Variants in ASTN2 observed in about 807,000 individuals in gnomAD.
The protein encoded by ASTN2 is astrotactin-2.
In ASTN2, 54 loss-of-function variants were observed where a neutral mutation model predicts 139.8. That is an observed-to-expected ratio of 0.39 (90% CI 0.31 to 0.48). ASTN2 has a LOEUF of 0.48. Ranked by LOEUF, ASTN2 falls within the 20% of genes least tolerant of loss-of-function variation. The pLI, the probability that ASTN2 is intolerant of heterozygous loss-of-function variation, is 0.95. For synonymous variants in ASTN2, 756 were observed against 719.5 expected (o/e 1.05, Z -0.81); for missense variants, 1,565 against 1,725.1 (o/e 0.91, Z 1.64).
At chr9:117,058,605 C>T (rs972530835) in intron 5 of ASTN2, among the ~76,000 whole-genome samples, 2 of 152,194 alleles carry the variant, frequency 1.3e-5, no homozygotes, top group African/African-American at 2.4e-5. Context: ...GAAACTGTAT[C>T]TATACTGCCT....
intron 5 of ASTN2, among the ~76,000 whole-genome samples, chr9:117,078,033 C>T (rs780490174): frequency 5.9e-5 from 9 of 152,178 alleles, no homozygotes; most frequent in Non-Finnish European, 1.3e-4. Flanking sequence ...TTAGCACAGC[C>T]CTGCCTTCTT....
At chr9:116,575,494 A>C (rs920498962) in intron 19 of ASTN2, among the ~76,000 whole-genome samples, 3 of 152,146 alleles carry the variant, frequency 2.0e-5, no homozygotes, top group Non-Finnish European at 4.4e-5. Context: ...ATTGAGTCTT[A>C]ATTTATAGAT....
intron 17 of ASTN2, among the ~76,000 whole-genome samples, chr9:116,632,847 T>C (rs1221230685): frequency 6.6e-6 from 1 of 152,232 alleles, no homozygotes; most frequent in South Asian, 2.1e-4. Context: ...TTTTATGGAA[T>C]TGTTATCTAT....
intron 2 of ASTN2, among the ~76,000 whole-genome samples, chr9:117,259,626 G>T (rs1833774656): frequency 2.0e-5 from 3 of 152,042 alleles, no homozygotes; most frequent in Admixed American, 2.0e-4. Flanking sequence ...TCAACCAATT[G>T]CCAATCAGAA....
intron 19 of ASTN2, among the ~76,000 whole-genome samples, chr9:116,580,110 G>A (rs540787047): frequency 2.0e-5 from 3 of 152,286 alleles, no homozygotes; most frequent in South Asian, 2.1e-4. Context: ...GTGAGCCCCC[G>A]CACCCGGCCA....
At chr9:116,484,453 C>T (rs1314380348) in intron 20 of ASTN2, among the ~76,000 whole-genome samples, 6 of 152,188 alleles carry the variant, frequency 3.9e-5, no homozygotes, top group African/African-American at 1.4e-4. Context: ...TACTGCCGCA[C>T]ACAGTCTTCT....
At chr9:116,905,576 C>T (rs910367660) in intron 10 of ASTN2, among the ~76,000 whole-genome samples, 4 of 152,118 alleles carry the variant, frequency 2.6e-5, no homozygotes, top group African/African-American at 7.2e-5. Context: ...CAGATGGGCC[C>T]GCCCCTCACA....
chr9:116,805,548 C>G, intron 13 of ASTN2, 84 bp downstream of exon 13: 1 of 1,280,392 alleles, frequency 7.8e-7, no homozygotes, highest in Non-Finnish European at 1.1e-6. Context: ...AGGTCTCTAC[C>G]CCATTGTGCC....
chr9:117,407,025 G>A (rs971307319), intron 1 of ASTN2, among the ~76,000 whole-genome samples: 1 of 152,146 alleles, frequency 6.6e-6, no homozygotes, highest in Non-Finnish European at 1.5e-5. Flanking sequence ...GCCTGGCTAT[G>A]ATTATAGCAG....
intron 16 of ASTN2, among the ~76,000 whole-genome samples, chr9:116,717,598 C>A (rs1470953872): frequency 6.6e-6 from 1 of 152,066 alleles, no homozygotes; most frequent in Non-Finnish European, 1.5e-5. Flanking sequence ...CATGCTGGGA[C>A]CCTACCATAG....
intron 19 of ASTN2, among the ~76,000 whole-genome samples, chr9:116,564,301 A>T (rs1439328911): frequency 6.6e-6 from 1 of 152,174 alleles, no homozygotes; most frequent in Non-Finnish European, 1.5e-5. Flanking sequence ...AGTGCATGGA[A>T]CTGATTGCCT....
chr9:116,552,176 TC>T (rs1374621692), intron 19 of ASTN2: 1 of 152,196 alleles, frequency 6.6e-6, no homozygotes, highest in Admixed American at 6.5e-5. Flanking sequence ...AACTCCTTCT[TC>T]ATGGGATGTG....
chr9:117,180,890 G>C, intron 3 of ASTN2: 1 of 1,586,632 alleles, frequency 6.3e-7, no homozygotes, highest in Non-Finnish European at 8.6e-7. Context: ...TTGGCCCTGC[G>C]CAGGGCCTCA....
At chr9:117,165,516 T>C (rs1460422143) in intron 3 of ASTN2, among the ~76,000 whole-genome samples, 3 of 152,028 alleles carry the variant, frequency 2.0e-5, no homozygotes, top group African/African-American at 4.8e-5. Context: ...TTCCTGATAC[T>C]GTCTTCATGG....
intron 13 of ASTN2, among the ~76,000 whole-genome samples, chr9:116,768,472 GT>G (rs1383854813): frequency 6.6e-6 from 1 of 152,064 alleles, no homozygotes; most frequent in Non-Finnish European, 1.5e-5. Context: ...CTGACTTTTT[GT>G]TTTCTTGTCT....
chr9:116,775,054 G>A (rs1830045180), intron 13 of ASTN2, among the ~76,000 whole-genome samples: 1 of 152,160 alleles, frequency 6.6e-6, no homozygotes. Context: ...GAGTCACTGA[G>A]ACCATGAGCA....
chr9:117,094,136 AAGGGAGGG>A (rs1290254334), intron 5 of ASTN2, among the ~76,000 whole-genome samples: 1 of 21,938 alleles, frequency 4.6e-5, no homozygotes, highest in Non-Finnish European at 9.1e-5. Context: ...GGGAGGGACT[AAGGGAGGG>A]AGGGAGGGAG....
chr9:116,618,019 G>C (rs976340658), intron 19 of ASTN2, among the ~76,000 whole-genome samples: 3 of 152,132 alleles, frequency 2.0e-5, no homozygotes, highest in African/African-American at 7.2e-5. Flanking sequence ...TCAAGCATGA[G>C]TCCTGCAGGC....
chr9:116,683,558 T>A (rs1860019279), intron 16 of ASTN2, among the ~76,000 whole-genome samples: 1 of 152,196 alleles, frequency 6.6e-6, no homozygotes, highest in Non-Finnish European at 1.5e-5. Flanking sequence ...CTTTAAAAAT[T>A]GTTTTATTGG....
Sources: allele counts gnomAD v4.1 joint callset (sites outside exome capture counted in the v4.1 genomes callset), GRCh38; gene constraint gnomAD v4.1.1; transcripts MANE v1.5; gene names NCBI Gene and HGNC (gene_info 2026-07-23, HGNC 2026-07-21).